The following CDYL2 variants were observed in gnomAD, a reference collection of about 807,000 sequenced individuals.
CDYL2 encodes the protein chromodomain Y-like protein 2.
Under a neutral mutation model 49.4 loss-of-function variants are expected in CDYL2, and 23 were observed. The ratio of observed to expected loss-of-function variants is 0.47; its 90% CI spans 0.34 to 0.66. The LOEUF (loss-of-function observed/expected upper bound fraction) is 0.66, where lower values mean the gene tolerates loss of function less well. Ranked by LOEUF, CDYL2 falls within the 30% of genes least tolerant of loss-of-function variation. The probability of loss-of-function intolerance (pLI) is 0.01; values close to 1 mark genes in which losing one functional copy is unlikely to be tolerated. For synonymous variants in CDYL2, 360 were observed against 268.8 expected (o/e 1.34, Z -3.32); for missense variants, 678 against 656.4 (o/e 1.03, Z -0.36).
At chr16:80,630,350 G>T (rs1028738125) in intron 3 of CDYL2, among the ~76,000 whole-genome samples, 7 of 152,232 alleles carry the variant, frequency 4.6e-5, no homozygotes, top group Non-Finnish European at 1.0e-4. Context: ...GTGGGCAACA[G>T]TTACCACCCA....
chr16:80,630,002 AC>A (rs1320047416), intron 3 of CDYL2, among the ~76,000 whole-genome samples: 1 of 152,228 alleles, frequency 6.6e-6, no homozygotes, highest in East Asian at 1.9e-4. Context: ...CAGCAAAGTA[AC>A]TTCCCAAGGT....
chr16:80,702,008 A>G (rs1253841360), intron 1 of CDYL2, among the ~76,000 whole-genome samples: 1 of 152,242 alleles, frequency 6.6e-6, no homozygotes, highest in Non-Finnish European at 1.5e-5. Context: ...AAAATCGGAA[A>G]CAAAGTAGCA....
chr16:80,678,234 T>C (rs373366409), intron 2 of CDYL2, among the ~76,000 whole-genome samples: 6 of 152,160 alleles, frequency 3.9e-5, no homozygotes, highest in African/African-American at 1.4e-4. Flanking sequence ...CCAAAAGCAA[T>C]GGCAACAAAA....
At chr16:80,664,554 C>G (rs4889193) in intron 2 of CDYL2, among the ~76,000 whole-genome samples, 59,313 of 152,030 alleles carry the variant, frequency 0.39, 12,130 homozygotes, top group East Asian at 0.6. Flanking sequence ...TTCGTCCCCA[C>G]CACATAGTGA....
rs1906645808 is a variant in CDYL2, at chr16:80,612,578, A to G, written c.1218+48T>C. The G allele has an allele frequency of 2.6e-6, 4 of 1,534,198 alleles. No homozygotes were observed. In the East Asian group the frequency reaches 9.1e-5, roughly 35 times the overall value. On this transcript the variant is annotated intron_variant, in intron 5 of 6. Transcript: ENST00000570137. This position sits in a 1 kb window ranked among gnomAD's most constrained non-coding sequence, Gnocchi z 5.0. ...TGAAGAGCCCCTAAACCCAAGGCAG[A>G]GGAAGGATCCTGCTGGGACCCGAAT...
intron 1 of CDYL2, among the ~76,000 whole-genome samples, chr16:80,784,835 G>C (rs1907382350): frequency 6.6e-6 from 1 of 152,098 alleles, no homozygotes; most frequent in Admixed American, 6.5e-5. Flanking sequence ...ATCACAAGGA[G>C]GTCTATCCTG....
intron 1 of CDYL2, among the ~76,000 whole-genome samples, chr16:80,713,545 G>A (rs972142702): frequency 2.0e-5 from 3 of 152,106 alleles, no homozygotes; most frequent in African/African-American, 7.2e-5. Flanking sequence ...TTCCTCGGTG[G>A]GGGATGACCG....
intron 2 of CDYL2, among the ~76,000 whole-genome samples, chr16:80,678,008 G>C (rs1465212791): frequency 6.6e-6 from 1 of 151,730 alleles, no homozygotes; most frequent in East Asian, 1.9e-4. Context: ...CAAGAAATGG[G>C]GAAAGGATTC....
chr16:80,764,198 T>C (rs193033559), intron 1 of CDYL2, among the ~76,000 whole-genome samples: 56 of 152,310 alleles, frequency 3.7e-4, no homozygotes, highest in African/African-American at 1.3e-3. Flanking sequence ...TTCCTATATT[T>C]CAGAAACAGC....
chr16:80,704,715 G>A (rs1205871592), intron 1 of CDYL2, among the ~76,000 whole-genome samples: 1 of 152,220 alleles, frequency 6.6e-6, no homozygotes, highest in Non-Finnish European at 1.5e-5. Context: ...CCAGTTAGAG[G>A]GAAGAGAATG....
intron 1 of CDYL2, among the ~76,000 whole-genome samples, chr16:80,785,590 T>C (rs1907408491): frequency 6.6e-6 from 1 of 152,170 alleles, no homozygotes; most frequent in Non-Finnish European, 1.5e-5. Flanking sequence ...ACTGACTTTT[T>C]TCAAAGAACT....
intron 1 of CDYL2, among the ~76,000 whole-genome samples, chr16:80,775,636 A>T (rs1294960701): frequency 3.9e-5 from 6 of 151,930 alleles, no homozygotes; most frequent in African/African-American, 1.4e-4. Context: ...GGAAAGAATG[A>T]TCAACAGAAA....
intron 1 of CDYL2, among the ~76,000 whole-genome samples, chr16:80,693,184 G>T (rs1191510258): frequency 6.6e-6 from 1 of 152,072 alleles, no homozygotes; most frequent in Non-Finnish European, 1.5e-5. Flanking sequence ...AAACTTTCTG[G>T]GGAAATGGAA....
chr16:80,676,719 T>C (rs2142460737), intron 2 of CDYL2, among the ~76,000 whole-genome samples: 1 of 152,306 alleles, frequency 6.6e-6, no homozygotes, highest in East Asian at 1.9e-4. Flanking sequence ...GTAATTTGCA[T>C]TTCTCCTCCT....
At chr16:80,660,733 C>G (rs1182806358) in intron 2 of CDYL2, among the ~76,000 whole-genome samples, 1 of 152,102 alleles carries the variant, frequency 6.6e-6, no homozygotes, top group East Asian at 1.9e-4. Context: ...TGAGGAGAAA[C>G]TCTGAGACAG....
chr16:80,780,604 A>C (rs1377639090), intron 1 of CDYL2, among the ~76,000 whole-genome samples: 1 of 151,802 alleles, frequency 6.6e-6, no homozygotes, highest in Non-Finnish European at 1.5e-5. Flanking sequence ...ACGAGGTTTC[A>C]CCGTGTTAGC....
In CDYL2 at chr16:80,694,487, G is replaced by T. The variant is rs1356992485; in HGVS notation, c.25-9358C>A. Among the ~76,000 whole-genome samples, 5 of 101,788 alleles carry T rather than the reference G, an allele frequency of 4.9e-5. No homozygotes were observed. The East Asian group carries it at 1.1e-3, about 22-fold the overall frequency. 66.8% of individuals were successfully genotyped at this position (101,788 alleles called of 152,430 possible). On this transcript the variant is annotated intron_variant, in intron 1 of 6. Transcript: ENST00000570137. ...GAAATGAAAGCCAGGTTTCTCACTG[G>T]CTTAAAAAAAAAGCTATAAATAAGC...
Position 80,608,072 on chromosome 16 carries a change from C to T in CDYL2, c.1362+20G>A, listed in dbSNP as rs1906422781. ...TGGGTCTATCAAAAGGACAAGCACG[C>T]AGGAGGCGCAGGAACTCACCACGGC... On this transcript the variant is annotated intron_variant, in intron 6 of 6. Transcript: ENST00000570137. The T allele has an allele frequency of 6.4e-7, 1 of 1,551,000 alleles. No individual in the cohort carries two copies. The highest frequency in any genetic ancestry group is 8.7e-7 in the Non-Finnish European group (1 of 1,145,760).
chr16:80,696,948 G>A (rs1470484003), intron 1 of CDYL2, among the ~76,000 whole-genome samples: 1 of 152,120 alleles, frequency 6.6e-6, no homozygotes, highest in Non-Finnish European at 1.5e-5. Flanking sequence ...AGTGCCCTAT[G>A]ATTGCATCTG....
Sources: allele counts gnomAD v4.1 joint callset (sites outside exome capture counted in the v4.1 genomes callset), GRCh38; gene constraint gnomAD v4.1.1; non-coding constraint Gnocchi (gnomAD v3.1); transcripts MANE v1.5; gene names NCBI Gene and HGNC (gene_info 2026-07-23, HGNC 2026-07-21).